Variants in CADPS2 observed in about 807,000 individuals in gnomAD.
The protein encoded by CADPS2 is calcium dependent secretion activator 2, also known as calcium-dependent secretion activator 2.
Under a neutral mutation model 172.5 loss-of-function variants are expected in CADPS2, and 93 were observed. The observed-to-expected ratio is 0.54, with a 90% CI of 0.46 to 0.64. The LOEUF (loss-of-function observed/expected upper bound fraction) is 0.64. CADPS2 is among the 30% of genes least tolerant of loss of function. The probability of loss-of-function intolerance (pLI) is 0.00; values close to 1 mark genes in which losing one functional copy is unlikely to be tolerated. For synonymous variants in CADPS2, 546 were observed against 555.2 expected, an observed-to-expected ratio of 0.98 and a Z score of 0.23; for missense variants, 1,420 against 1,565.9, an observed-to-expected ratio of 0.91 and a Z score of 1.57.
Position 122,471,558 on chromosome 7 carries a change from C to A in CADPS2, c.2003G>T (p.Trp668Leu). 1 of 1,579,066 alleles carries A rather than the reference C, an allele frequency of 6.3e-7. No homozygotes were observed. The highest frequency in any genetic ancestry group is 8.6e-7 in the Non-Finnish European group (1 of 1,164,092). Reference sequence around the variant, plus strand: ...CACAAAGACTTGGCCAGGGCTAAACCATCCCTGCAAAATAAAAAAAGAATA... The same window carrying A: ...CACAAAGACTTGGCCAGGGCTAAACAATCCCTGCAAAATAAAAAAAGAATA... ...RLNDSYSCLG[W>L]FSPGQVFVLD... Residue 668 changes from tryptophan to leucine, a missense_variant, in exon 14 of 30, where the codon TGG becomes TTG. Coordinates refer to ENST00000449022, the MANE Select transcript of CADPS2 (RefSeq NM_017954.11).
intron 8 of CADPS2, among the ~76,000 whole-genome samples, chr7:122,551,786 T>C (rs1357296413): frequency 1.3e-5 from 2 of 152,134 alleles, no homozygotes; most frequent in South Asian, 4.1e-4. Context: ...GGAGAAATGA[T>C]TGACAAAACA....
chr7:122,838,455 AG>A (rs1307485699), intron 1 of CADPS2, among the ~76,000 whole-genome samples: 17 of 152,198 alleles, frequency 1.1e-4, no homozygotes, highest in Non-Finnish European at 2.1e-4. Context: ...GAAGAAAGAA[AG>A]GGTACTCAAT....
chr7:122,746,564 G>C (rs2092723345), intron 1 of CADPS2, among the ~76,000 whole-genome samples: 1 of 151,972 alleles, frequency 6.6e-6, no homozygotes. Context: ...GGAAGAAGCA[G>C]ATTGTCTTGG....
At chr7:122,640,041 C>G (rs2077446314) in intron 3 of CADPS2, among the ~76,000 whole-genome samples, 1 of 152,188 alleles carries the variant, frequency 6.6e-6, no homozygotes, top group Admixed American at 6.5e-5. Context: ...AATAGAATCT[C>G]AATTTTCAGC....
chr7:122,426,200 C>G (rs2049153976), intron 17 of CADPS2: 1 of 152,172 alleles, frequency 6.6e-6, no homozygotes, highest in Non-Finnish European at 1.5e-5. Flanking sequence ...CAAAAGATCT[C>G]AATGTCTGCA....
chr7:122,698,343 G>A (rs750822211), intron 2 of CADPS2: 11 of 1,613,874 alleles, frequency 6.8e-6, no homozygotes, highest in East Asian at 2.2e-5. Flanking sequence ...TCACAAAAGA[G>A]ACCAAATAGT....
chr7:122,369,125 TTTCC>T (rs1563167292), intron 25 of CADPS2, among the ~76,000 whole-genome samples: 8 of 10,438 alleles, frequency 7.7e-4, no homozygotes, highest in Non-Finnish European at 1.5e-3. Flanking sequence ...AGAATTTTTG[TTTCC>T]CCCCCCCCCC....
At chr7:122,746,980 A>G (rs2092743151) in intron 1 of CADPS2, among the ~76,000 whole-genome samples, 1 of 152,012 alleles carries the variant, frequency 6.6e-6, no homozygotes, top group Non-Finnish European at 1.5e-5. Context: ...TGCCTCACTC[A>G]CTTCTCTGAG....
At position 122,448,732 on chromosome 7, in the gene CADPS2, T is replaced by C. The variant is rs528573595; in HGVS notation, c.2288+2642A>G. Among the ~76,000 whole-genome samples the C allele has an allele frequency of 5.3e-5, 8 of 152,226 alleles. 1 individual carries two copies. Among genetic ancestry groups the C allele is most frequent in the African/African-American group, 1.9e-4 (8 of 41,546 alleles). ...AGGCATCCCGTGCACAGAATTTCTC[T>C]GGCCACTGGTTTTGGTTCAAAACCA... is the stretch of plus-strand genomic sequence containing the variant. On this transcript the variant is annotated intron_variant, in intron 15 of 29. Coordinates refer to ENST00000449022, the MANE Select transcript of CADPS2 (RefSeq NM_017954.11).
At chr7:122,725,695 G>C (rs1372642533) in intron 2 of CADPS2, among the ~76,000 whole-genome samples, 1 of 151,882 alleles carries the variant, frequency 6.6e-6, no homozygotes, top group Non-Finnish European at 1.5e-5. Context: ...TTGGGAGGCT[G>C]AGGCAAGAAG....
At chr7:122,669,678 T>C (rs1044041784) in intron 2 of CADPS2, among the ~76,000 whole-genome samples, 1 of 151,948 alleles carries the variant, frequency 6.6e-6, no homozygotes, top group Admixed American at 6.6e-5. Flanking sequence ...ACATTTCCCC[T>C]GTCCTCAGCC....
chr7:122,770,903 A>C (rs2093688060), intron 1 of CADPS2, among the ~76,000 whole-genome samples: 1 of 152,196 alleles, frequency 6.6e-6, no homozygotes, highest in African/African-American at 2.4e-5. Flanking sequence ...TCTCAGCAGA[A>C]AGCCAGGAAG....
intron 4 of CADPS2, among the ~76,000 whole-genome samples, chr7:122,627,327 C>T (rs557660528): frequency 1.2e-4 from 18 of 152,286 alleles, no homozygotes; most frequent in African/African-American, 3.4e-4. Context: ...TTCATTAAGA[C>T]GGCTTCACTT....
chr7:122,716,672 G>C (rs923106625), intron 2 of CADPS2, among the ~76,000 whole-genome samples: 1 of 152,102 alleles, frequency 6.6e-6, no homozygotes, highest in Non-Finnish European at 1.5e-5. Context: ...AGAACTTAAA[G>C]TATAACAATT....
chr7:122,486,327 C>T (rs10237999), intron 11 of CADPS2, among the ~76,000 whole-genome samples: 1 of 151,842 alleles, frequency 6.6e-6, no homozygotes, highest in Non-Finnish European at 1.5e-5. Flanking sequence ...GATTCTTGGG[C>T]GGAGGTAAAA....
chr7:122,732,728 TC>T (rs1348501160), intron 2 of CADPS2, among the ~76,000 whole-genome samples: 6 of 144,240 alleles, frequency 4.2e-5, no homozygotes, highest in African/African-American at 1.5e-4. Flanking sequence ...ATATTACATA[TC>T]ATTATATATT....
chr7:122,784,507 T>C (rs1339576132), intron 1 of CADPS2, among the ~76,000 whole-genome samples: 1 of 152,228 alleles, frequency 6.6e-6, no homozygotes, highest in Non-Finnish European at 1.5e-5. Context: ...GGATACAATA[T>C]GTGGGTGATA....
intron 22 of CADPS2, among the ~76,000 whole-genome samples, chr7:122,390,553 G>A (rs568204249): frequency 1.4e-4 from 21 of 152,072 alleles, no homozygotes; most frequent in Admixed American, 6.6e-4. Flanking sequence ...AATGGTAAAG[G>A]CAGAATTCTA....
chr7:122,691,816 T>G (rs1317448657), intron 2 of CADPS2, among the ~76,000 whole-genome samples: 1 of 152,152 alleles, frequency 6.6e-6, no homozygotes, highest in Non-Finnish European at 1.5e-5. Flanking sequence ...TGTCAAGCTG[T>G]GCAAAACATC....
Sources: gnomAD v4.1 joint callset for allele counts (sites outside exome capture counted in the v4.1 genomes callset) on GRCh38, gnomAD v4.1.1 for gene constraint, MANE v1.5 for transcripts, NCBI Gene and HGNC (gene_info 2026-07-23, HGNC 2026-07-21) for gene names.